OR4N2: variants seen among roughly 807,000 people sequenced by gnomAD.
OR4N2 encodes the protein olfactory receptor 4N2.
For synonymous variants in OR4N2, 141 were observed against 140.4 expected (o/e 1.00, Z -0.03); for missense variants, 307 against 377.6 (o/e 0.81, Z 1.55).
intron 1 of OR4N2, among the ~76,000 whole-genome samples, chr14:19,812,721 GA>G (rs1193369075): frequency 6.6e-6 from 1 of 152,102 alleles, no homozygotes; most frequent in Non-Finnish European, 1.5e-5. Context: ...TTGTGGTTTT[GA>G]TTTGCATTTC....
In OR4N2 at chr14:19,828,024, A is replaced by T; in HGVS notation, c.576A>T (p.Thr192=). 6.2e-7 allele frequency: 1 copy of T among 1,614,176 alleles called. No homozygotes were observed. The highest frequency in any genetic ancestry group is 1.1e-5 in the South Asian group (1 of 91,086). The change falls in exon 2 of 2, where the codon ACA becomes ACT. Residue 192 remains threonine (T), a synonymous_variant. Transcript: ENST00000557677. Reference sequence around the variant, plus strand: ...TCATCAAGCTGGCCTGCACCGACACATTTGTGGTGGAGCTTCTGATGGTCT... The same window carrying T: ...TCATCAAGCTGGCCTGCACCGACACTTTTGTGGTGGAGCTTCTGATGGTCT... The part of the protein sequence containing the change: ...PQVIKLACTD[T]FVVELLMVFN...
chr14:19,826,487 T>C (rs1308512545), intron 1 of OR4N2, among the ~76,000 whole-genome samples: 3 of 152,272 alleles, frequency 2.0e-5, no homozygotes, highest in African/African-American at 7.2e-5. Context: ...TAAACTTAAG[T>C]AATATAACTA....
At chr14:19,812,631 G>T (rs1317952420) in intron 1 of OR4N2, among the ~76,000 whole-genome samples, 4 of 152,160 alleles carry the variant, frequency 2.6e-5, no homozygotes, top group Admixed American at 6.5e-5. Context: ...GTGCTGGGAT[G>T]ACAGGCGTGA....
At chr14:19,825,078 G>A (rs1416834826) in intron 1 of OR4N2, among the ~76,000 whole-genome samples, 1 of 152,274 alleles carries the variant, frequency 6.6e-6, no homozygotes, top group Non-Finnish European at 1.5e-5. Context: ...TAAGACATGA[G>A]CAGAAAAGCT....
At chr14:19,809,983 A>G (rs1879256502) in intron 1 of OR4N2, among the ~76,000 whole-genome samples, 1 of 152,250 alleles carries the variant, frequency 6.6e-6, no homozygotes, top group South Asian at 2.1e-4. Context: ...GACCACAAAA[A>G]AACAGAAATT....
intron 1 of OR4N2, among the ~76,000 whole-genome samples, chr14:19,821,489 C>A (rs1227990871): frequency 7.2e-5 from 11 of 151,926 alleles, no homozygotes; most frequent in African/African-American, 2.4e-4. Context: ...CTCATCCTAC[C>A]CCTGCTTGCT....
intron 1 of OR4N2, among the ~76,000 whole-genome samples, chr14:19,807,709 G>T (rs956093327): frequency 1.3e-5 from 2 of 152,116 alleles, no homozygotes; most frequent in African/African-American, 4.8e-5. Context: ...AATTGAGGAG[G>T]AGGAGCTCCT....
chr14:19,818,440 C>T (rs1800017735), intron 1 of OR4N2, among the ~76,000 whole-genome samples: 1 of 152,276 alleles, frequency 6.6e-6, no homozygotes, highest in Middle Eastern at 3.4e-3. Context: ...ATGTAATGCC[C>T]TTCTTTGTCT....
At chr14:19,818,383 T>C (rs1346904461) in intron 1 of OR4N2, among the ~76,000 whole-genome samples, 2 of 152,320 alleles carry the variant, frequency 1.3e-5, no homozygotes, top group South Asian at 2.1e-4. Context: ...GGTGCATACA[T>C]ATTTGGGATA....
rs144278240 is a variant in OR4N2, at chr14:19,804,524, T to G, written c.-10+680T>G. On this transcript the variant is annotated intron_variant, in intron 1 of 1. Coordinates refer to ENST00000557677, the MANE Select transcript of OR4N2 (RefSeq NM_001004723.3). ...TATGCTTTTGATGTATTTTATTGTATTGATTTCAATGTTTATTGCATTGTA... is the reference window on the plus strand; with the variant it reads ...TATGCTTTTGATGTATTTTATTGTAGTGATTTCAATGTTTATTGCATTGTA... Among the ~76,000 whole-genome samples, 814 of 152,280 alleles carry G rather than the reference T, an allele frequency of 5.3e-3. 2 individuals are homozygous for G. The highest frequency in any genetic ancestry group is 0.018 in the African/African-American group (752 of 41,506).
chr14:19,818,095 C>T (rs1686574), intron 1 of OR4N2, among the ~76,000 whole-genome samples: 99,434 of 150,806 alleles, frequency 0.66, 28,088 homozygotes, highest in East Asian at 0.72. Flanking sequence ...CTGAGGAGTG[C>T]TTTACTTCCA....
intron 1 of OR4N2, among the ~76,000 whole-genome samples, chr14:19,825,216 C>A (rs1435201062): frequency 6.6e-6 from 1 of 152,214 alleles, no homozygotes; most frequent in Non-Finnish European, 1.5e-5. Flanking sequence ...CTAAGTATGA[C>A]TTTCATAAAT....
chr14:19,816,877 T>C (rs75900097), intron 1 of OR4N2, among the ~76,000 whole-genome samples: 104,401 of 151,234 alleles, frequency 0.69, 31,580 homozygotes, highest in East Asian at 0.72. Flanking sequence ...CCATCAATAC[T>C]TAGTTTATTT....
At position 19,827,440 on chromosome 14, in the gene OR4N2, G is replaced by A. The variant is rs751937891; in HGVS notation, c.-9G>A. 3 of 1,572,708 alleles carry A rather than the reference G, an allele frequency of 1.9e-6. No individual in the cohort carries two copies. The highest frequency in any genetic ancestry group is 2.2e-5 in the East Asian group (1 of 44,702). Reference sequence around the variant, plus strand: ...AATTCTGCTTCTTAATGTACTGCAGGCCAGGGAAATGGAAAGCGAGAACAG... The same window carrying A: ...AATTCTGCTTCTTAATGTACTGCAGACCAGGGAAATGGAAAGCGAGAACAG... On this transcript the variant is annotated splice_region_variant and 5_prime_UTR_variant, in exon 2 of 2. Transcript: ENST00000557677.
At position 19,827,484 on chromosome 14, in the gene OR4N2, C is replaced by A. The variant is rs759952519; in HGVS notation, c.36C>A (p.Phe12Leu). 5 of 1,607,380 alleles carry A rather than the reference C, an allele frequency of 3.1e-6. No individual in the cohort carries two copies. Among genetic ancestry groups the A allele is most frequent in the African/African-American group, 2.7e-5 (2 of 74,546 alleles). The change falls in exon 2 of 2, where the codon TTC (phenylalanine) becomes TTA (leucine). Residue 12 changes from phenylalanine to leucine, a missense_variant. Phe to Leu is a conservative substitution (Grantham distance 22, BLOSUM62 0). Coordinates refer to ENST00000557677, the MANE Select transcript of OR4N2 (RefSeq NM_001004723.3). ...ESENRTVIRE[F>L]ILLGLTQSQD... ...AGAACAGAACAGTGATAAGAGAATT[C>A]ATCCTCCTTGGTCTGACCCAGTCTC...
chr14:19,826,513 C>G (rs1879704056), intron 1 of OR4N2, among the ~76,000 whole-genome samples: 1 of 152,234 alleles, frequency 6.6e-6, no homozygotes, highest in South Asian at 2.1e-4. Flanking sequence ...TATTTCTCAT[C>G]TTTGAAATGG....
chr14:19,815,865 T>C (rs1879414941), intron 1 of OR4N2, among the ~76,000 whole-genome samples: 1 of 152,242 alleles, frequency 6.6e-6, no homozygotes, highest in Non-Finnish European at 1.5e-5. Context: ...CATCTTGAGT[T>C]AATTTTGTAT....
intron 1 of OR4N2, among the ~76,000 whole-genome samples, chr14:19,817,247 A>G (rs1300249262): frequency 1.3e-5 from 2 of 152,170 alleles, no homozygotes; most frequent in Non-Finnish European, 2.9e-5. Flanking sequence ...TATTGTTTGT[A>G]ATAGTTTCTG....
intron 1 of OR4N2, among the ~76,000 whole-genome samples, chr14:19,823,013 T>G (rs2138478608): frequency 6.6e-6 from 1 of 152,378 alleles, no homozygotes; most frequent in Middle Eastern, 3.4e-3. Flanking sequence ...AGAGGCCATT[T>G]AATCTGGCCA....
Sources: allele counts gnomAD v4.1 joint callset (sites outside exome capture counted in the v4.1 genomes callset), GRCh38; gene constraint gnomAD v4.1.1; transcripts MANE v1.5; gene names NCBI Gene and HGNC (gene_info 2026-07-23, HGNC 2026-07-21).